Variants in SLC10A7 observed in about 807,000 individuals in gnomAD.
SLC10A7 encodes the protein solute carrier family 10 member 7.
A neutral mutation model predicts 43.2 loss-of-function variants in SLC10A7; 29 were observed. The ratio of observed to expected loss-of-function variants is 0.67; its 90% CI spans 0.50 to 0.92. The LOEUF (loss-of-function observed/expected upper bound fraction) is 0.92. Among genes scored for constraint, SLC10A7 ranks in the 40% least tolerant of loss-of-function variants. The pLI, the probability that SLC10A7 is intolerant of heterozygous loss-of-function variation, is 0.00. For synonymous variants in SLC10A7, 152 were observed against 144.8 expected (o/e 1.05, Z -0.35); for missense variants, 295 against 403.2 (o/e 0.73, Z 2.30).
At chr4:146,316,792 C>T (rs1303007391) in intron 6 of SLC10A7, among the ~76,000 whole-genome samples, 1 of 151,946 alleles carries the variant, frequency 6.6e-6, no homozygotes, top group African/African-American at 2.4e-5. Flanking sequence ...GGACTCAGCC[C>T]GTGATTAATA....
Position 146,289,912 on chromosome 4 carries a change from C to T in SLC10A7, c.773+3017G>A, listed in dbSNP as rs530246738. On this transcript the variant is annotated intron_variant, in intron 9 of 11. Transcript: ENST00000335472. The stretch of plus-strand genomic sequence containing the variant: ...TGTATTTTTAGTAGAGATGGGATTT[C>T]GCCATGTTGGCCTGGCTGGTTTTGA... 8.7e-5 allele frequency among the ~76,000 whole-genome samples: 13 copies of T among 149,720 alleles called. No homozygotes were observed. The South Asian group carries it at 2.3e-3, about 27-fold the overall frequency.
At chr4:146,277,912 T>C (rs1729310403) in intron 10 of SLC10A7, among the ~76,000 whole-genome samples, 1 of 152,170 alleles carries the variant, frequency 6.6e-6, no homozygotes, top group African/African-American at 2.4e-5. Context: ...ATGGAGTATA[T>C]GTTTATAGGA....
intron 7 of SLC10A7, among the ~76,000 whole-genome samples, chr4:146,304,157 T>C (rs562468610): frequency 3.0e-4 from 9 of 30,064 alleles, no homozygotes; most frequent in African/African-American, 1.3e-3. Context: ...TTCCTATCAG[T>C]CCAATTGAAT....
chr4:146,419,708 T>C (rs1579138915), intron 5 of SLC10A7, among the ~76,000 whole-genome samples: 1 of 151,686 alleles, frequency 6.6e-6, no homozygotes, highest in Non-Finnish European at 1.5e-5. Flanking sequence ...TGGTGGCGGG[T>C]GCCTGCAATC....
chr4:146,335,594 C>T (rs1733840951), intron 5 of SLC10A7, among the ~76,000 whole-genome samples: 1 of 152,040 alleles, frequency 6.6e-6, no homozygotes, highest in Admixed American at 6.6e-5. Context: ...AACAGAGGAA[C>T]TGTCCCGCAG....
At chr4:146,517,429 C>T (rs992207654) in intron 1 of SLC10A7, among the ~76,000 whole-genome samples, 1 of 152,036 alleles carries the variant, frequency 6.6e-6, no homozygotes, top group Non-Finnish European at 1.5e-5. Flanking sequence ...CGCCATTGCA[C>T]TCCAGCCTGG....
At chr4:146,450,878 G>A (rs1352006495) in intron 4 of SLC10A7, among the ~76,000 whole-genome samples, 1 of 152,020 alleles carries the variant, frequency 6.6e-6, no homozygotes, top group African/African-American at 2.4e-5. Flanking sequence ...CCAGAACAGA[G>A]TGGATTACCA....
chr4:146,347,893 AAT>A (rs1427659163), intron 5 of SLC10A7, among the ~76,000 whole-genome samples: 1 of 152,206 alleles, frequency 6.6e-6, no homozygotes, highest in Non-Finnish European at 1.5e-5. Context: ...AATGAAAGAA[AAT>A]ATGAGTAATC....
At chr4:146,357,088 A>G (rs72952504) in intron 5 of SLC10A7, among the ~76,000 whole-genome samples, 1,666 of 152,304 alleles carry the variant, frequency 0.011, 25 homozygotes, top group African/African-American at 0.037. Flanking sequence ...CCCATGAAGA[A>G]AAAAGAAAGA....
chr4:146,435,547 T>G (rs1341377945), intron 5 of SLC10A7, among the ~76,000 whole-genome samples: 2 of 152,210 alleles, frequency 1.3e-5, no homozygotes, highest in Non-Finnish European at 1.5e-5. Context: ...GTAATGTAGA[T>G]GAAGGCAGGA....
intron 9 of SLC10A7, among the ~76,000 whole-genome samples, chr4:146,284,113 TG>T (rs760152774): frequency 1.4e-4 from 21 of 152,162 alleles, no homozygotes; most frequent in Non-Finnish European, 2.6e-4. Context: ...AAAATGTCAT[TG>T]TTATGATTGT....
intron 5 of SLC10A7, among the ~76,000 whole-genome samples, chr4:146,422,036 C>T (rs1335319695): frequency 4.6e-5 from 7 of 152,148 alleles, no homozygotes; most frequent in Non-Finnish European, 1.0e-4. Context: ...TTATATTCTT[C>T]ATCACCAAAC....
chr4:146,347,372 T>G (rs1026825303), intron 5 of SLC10A7, among the ~76,000 whole-genome samples: 15 of 152,192 alleles, frequency 9.9e-5, no homozygotes, highest in African/African-American at 3.6e-4. Context: ...GCAATGAGAT[T>G]ATGAAATACC....
intron 5 of SLC10A7, among the ~76,000 whole-genome samples, chr4:146,379,748 A>G (rs1465639124): frequency 6.6e-6 from 1 of 152,212 alleles, no homozygotes; most frequent in Admixed American, 6.6e-5. Flanking sequence ...AGAACATCGC[A>G]TTAAGTACTC....
At chr4:146,326,063 T>C in intron 5 of SLC10A7, 67 bp from the exon 6 acceptor site, 6 of 1,453,860 alleles carry the variant, frequency 4.1e-6, no homozygotes, top group Non-Finnish European at 5.7e-6. Flanking sequence ...CTTTGCCATT[T>C]TAAACTCTGA....
At chr4:146,318,701 T>A (rs972713662) in intron 6 of SLC10A7, among the ~76,000 whole-genome samples, 7 of 152,076 alleles carry the variant, frequency 4.6e-5, no homozygotes, top group Non-Finnish European at 1.0e-4. Context: ...TGTCTCTACT[T>A]AGATGTCTGA....
At chr4:146,451,997 T>C (rs1463462883) in intron 4 of SLC10A7, among the ~76,000 whole-genome samples, 1 of 152,064 alleles carries the variant, frequency 6.6e-6, no homozygotes, top group African/African-American at 2.4e-5. Context: ...TCTTGGTATA[T>C]GAGAAAAATA....
At chr4:146,399,024 G>A (rs1335526731) in intron 5 of SLC10A7, among the ~76,000 whole-genome samples, 1 of 152,192 alleles carries the variant, frequency 6.6e-6, no homozygotes, top group African/African-American at 2.4e-5. Flanking sequence ...TAACCTAGCT[G>A]ATAAGAGAAT....
chr4:146,303,291 CT>C (rs1294076148), intron 7 of SLC10A7, among the ~76,000 whole-genome samples: 1 of 152,130 alleles, frequency 6.6e-6, no homozygotes, highest in African/African-American at 2.4e-5. Context: ...ATAAAAACCT[CT>C]GTCTTTGAGT....
Sources: allele counts gnomAD v4.1 joint callset (sites outside exome capture counted in the v4.1 genomes callset), GRCh38; gene constraint gnomAD v4.1.1; transcripts MANE v1.5; gene names NCBI Gene and HGNC (gene_info 2026-07-23, HGNC 2026-07-21).